CKAP5: variants seen among roughly 807,000 people sequenced by gnomAD.
CKAP5 encodes the protein cytoskeleton associated protein 5, also known as cytoskeleton-associated protein 5.
A neutral mutation model predicts 232.8 loss-of-function variants in CKAP5; 27 were observed. The ratio of observed to expected loss-of-function variants is 0.12; its 90% confidence interval spans 0.09 to 0.16. The LOEUF (loss-of-function observed/expected upper bound fraction) is 0.16, where lower values mean the gene tolerates loss of function less well. Ranked by LOEUF, CKAP5 falls within the 10% of genes least tolerant of loss-of-function variation. CKAP5 has a pLI of 1.00. For missense variants in CKAP5, 1,838 were observed against 2,424.7 expected, an observed-to-expected ratio of 0.76 and a Z score of 5.08; for synonymous variants, 785 against 841.1, an observed-to-expected ratio of 0.93 and a Z score of 1.16.
intron 33 of CKAP5, 125 bp from the exon 34 acceptor site, chr11:46,759,567 A>ATGATTTAAGTCCCTGAG (rs2065139381): frequency 8.8e-6 from 8 of 910,978 alleles, no homozygotes; most frequent in African/African-American, 1.7e-5. Flanking sequence ...GCCCCCCTGA[A>ATGATTTAAGTCCCTGAG]TGATTTAAGT....
At chr11:46,808,307 C>T (rs1371746966) in intron 7 of CKAP5, among the ~76,000 whole-genome samples, 163 bp from the exon 8 acceptor site, 3 of 152,064 alleles carry the variant, frequency 2.0e-5, no homozygotes, top group Non-Finnish European at 4.4e-5. Context: ...TTTGGGAGGC[C>T]GAGGAGGGCA....
In CKAP5 at chr11:46,795,742, T is replaced by C. The variant is rs1592463314; in HGVS notation, c.1502A>G (p.His501Arg). Residue 501 changes from histidine to arginine, a missense_variant, in exon 13 of 44, where the codon CAT (histidine) becomes CGT (arginine). Transcript: ENST00000529230. ...AGCAGCTAGTCCAGCTTTCTTACCA[T>C]GTATCAGTTCTACCTTTTCTGAACA... ...KECSEKVELI[H>R]GKKAGLAADK... 6.2e-7 allele frequency: 1 copy of C among 1,614,068 alleles called. No homozygotes were observed. The highest frequency in any genetic ancestry group is 1.7e-4 in the Middle Eastern group (1 of 6,056).
intron 1 of CKAP5, among the ~76,000 whole-genome samples, chr11:46,831,861 C>CTTTTT (rs71042624): frequency 2.5e-5 from 3 of 119,054 alleles, no homozygotes; most frequent in African/African-American, 6.6e-5. Context: ...TAAACTTATC[C>CTTTTT]TTTTTTTTTT....
chr11:46,838,408 G>A (rs1181831207), intron 1 of CKAP5, among the ~76,000 whole-genome samples: 5 of 151,848 alleles, frequency 3.3e-5, no homozygotes, highest in Admixed American at 6.6e-5. Flanking sequence ...ATGCTGGAGC[G>A]AGAGGATTGT....
intron 1 of CKAP5, among the ~76,000 whole-genome samples, chr11:46,842,025 T>C (rs1212642113): frequency 7.5e-6 from 1 of 133,834 alleles, no homozygotes; most frequent in Non-Finnish European, 1.6e-5. Flanking sequence ...AAAAGCGAAA[T>C]GTTAAATCCC....
chr11:46,777,396 G>T (rs1431034343), intron 23 of CKAP5, 43 bp downstream of exon 23: 2 of 1,216,066 alleles, frequency 1.6e-6, no homozygotes, highest in African/African-American at 1.5e-5. Context: ...AATATGGCTG[G>T]CCTATTCCAG....
chr11:46,771,095 T>C (rs2065243896), intron 24 of CKAP5, 113 bp from the exon 25 acceptor site: 9 of 803,910 alleles, frequency 1.1e-5, no homozygotes, highest in Non-Finnish European at 1.7e-5. Flanking sequence ...TTTCACACTA[T>C]AACTTTCCAA....
intron 1 of CKAP5, among the ~76,000 whole-genome samples, chr11:46,836,732 A>G (rs1939927320): frequency 6.6e-6 from 1 of 152,218 alleles, no homozygotes; most frequent in Admixed American, 6.5e-5. Flanking sequence ...TTACAAAACT[A>G]TAACTAGTCT....
At chr11:46,752,443 T>C (rs1161382240) in intron 38 of CKAP5, among the ~76,000 whole-genome samples, 192 bp downstream of exon 38, 1 of 151,528 alleles carries the variant, frequency 6.6e-6, no homozygotes, top group Non-Finnish European at 1.5e-5. Flanking sequence ...GCTGCTACTA[T>C]AGGTGCATGC....
chr11:46,761,623 C>T (rs957332319), intron 32 of CKAP5, among the ~76,000 whole-genome samples: 1 of 152,180 alleles, frequency 6.6e-6, no homozygotes. Context: ...TGTGATCTGA[C>T]AGATACTAGC....
chr11:46,832,687 T>C (rs1939819288), intron 1 of CKAP5, among the ~76,000 whole-genome samples: 1 of 152,232 alleles, frequency 6.6e-6, no homozygotes, highest in South Asian at 2.1e-4. Context: ...TTGATATTAT[T>C]ATCCCTATTT....
At chr11:46,817,043 T>C (rs1939418573) in intron 3 of CKAP5, among the ~76,000 whole-genome samples, 1 of 150,742 alleles carries the variant, frequency 6.6e-6, no homozygotes, top group Non-Finnish European at 1.5e-5. Context: ...GAGGTGGAGG[T>C]TGTGGTGAGC....
chr11:46,793,859 G>A (rs1938802475), intron 13 of CKAP5, among the ~76,000 whole-genome samples: 1 of 152,126 alleles, frequency 6.6e-6, no homozygotes, highest in African/African-American at 2.4e-5. Context: ...CCTAGGGGGT[G>A]GAGGTTGCAG....
At chr11:46,832,114 C>T (rs1260484311) in intron 1 of CKAP5, among the ~76,000 whole-genome samples, 1 of 152,096 alleles carries the variant, frequency 6.6e-6, no homozygotes, top group Non-Finnish European at 1.5e-5. Context: ...CCTGCCTCAG[C>T]CTCCCAAAGT....
At chr11:46,748,978 C>T (rs555829930) in intron 42 of CKAP5, among the ~76,000 whole-genome samples, 2 of 151,420 alleles carry the variant, frequency 1.3e-5, no homozygotes, top group African/African-American at 4.8e-5. Flanking sequence ...ACTACAGGCG[C>T]ACGCCACCAC....
chr11:46,791,070 C>T (rs191376950), intron 13 of CKAP5, among the ~76,000 whole-genome samples: 16 of 152,242 alleles, frequency 1.1e-4, no homozygotes, highest in Non-Finnish European at 1.6e-4. Context: ...GTTTCAAGGT[C>T]AGACAGAAGC....
intron 8 of CKAP5, among the ~76,000 whole-genome samples, chr11:46,804,016 A>G (rs919202753): frequency 6.6e-6 from 1 of 152,220 alleles, no homozygotes; most frequent in Non-Finnish European, 1.5e-5. Flanking sequence ...AAATTTGGAC[A>G]TCAGTATTTT....
chr11:46,783,732 G>A lies in CKAP5; in HGVS notation c.2155-364C>T, dbSNP rs867877136. On this transcript the variant is annotated intron_variant, in intron 17 of 43. Transcript: ENST00000529230. ...TTTTTTGTTTATTTGTTTTGAGACA[G>A]TCTCACTCTGTTGCCCAGGCTGGAG... 2.0e-5 allele frequency among the ~76,000 whole-genome samples: 3 copies of A among 151,784 alleles called. No individual in the cohort carries two copies. The East Asian group carries it at 5.8e-4, about 30-fold the overall frequency.
chr11:46,784,705 G>A (rs1471856134), intron 16 of CKAP5, 32 bp from the exon 17 acceptor site: 2 of 1,528,484 alleles, frequency 1.3e-6, no homozygotes, highest in African/African-American at 1.4e-5. Flanking sequence ...AAAGCTAAGA[G>A]CAAGCCAAGG....
Sources: allele counts gnomAD v4.1 joint callset (sites outside exome capture counted in the v4.1 genomes callset), GRCh38; gene constraint gnomAD v4.1.1; transcripts MANE v1.5; gene names NCBI Gene and HGNC (gene_info 2026-07-23, HGNC 2026-07-21).